Variants in CCDC39 observed in about 807,000 individuals in gnomAD.
The protein encoded by CCDC39 is coiled-coil domain 39 molecular ruler complex subunit.
CCDC39 carries 113 observed loss-of-function variants against 121.0 expected under a neutral mutation model. The observed-to-expected ratio is 0.93, with a 90% CI of 0.80 to 1.09. The LOEUF (loss-of-function observed/expected upper bound fraction) is 1.09, where lower values mean the gene tolerates loss of function less well. Among genes scored for constraint, CCDC39 ranks in the 50% least tolerant of loss-of-function variants. The pLI is 0.00. For synonymous variants in CCDC39, 349 were observed against 352.2 expected (o/e 0.99, Z 0.10); for missense variants, 1,063 against 1,074.7 (o/e 0.99, Z 0.15).
rs1356606 is a variant in CCDC39 at position 180,659,283 on chromosome 3, C to T, written c.738+169G>A. On this transcript the variant is annotated intron_variant, in intron 6 of 19. Coordinates refer to ENST00000476379, the MANE Select transcript of CCDC39 (RefSeq NM_181426.2). Reference sequence around the variant, plus strand: ...TACTACACTCAAATAATCTTCATCACATTTCCAAATGGATATAGAGTCAGC... The same window carrying T: ...TACTACACTCAAATAATCTTCATCATATTTCCAAATGGATATAGAGTCAGC... 0.22 allele frequency among the ~76,000 whole-genome samples: 34,160 copies of T among 152,126 alleles called. 4,190 individuals are homozygous for T. Among genetic ancestry groups the T allele is most frequent in the East Asian group, 0.4 (2,085 of 5,154 alleles).
At chr3:180,670,601 G>A (rs1303500411) in intron 1 of CCDC39, among the ~76,000 whole-genome samples, 3 of 143,962 alleles carry the variant, frequency 2.1e-5, no homozygotes, top group Admixed American at 2.1e-4. Context: ...GGTGCTTCAT[G>A]TCTGTATATG....
chr3:180,642,258 A>T (rs1182351207), intron 12 of CCDC39, 57 bp from the exon 13 acceptor site: 8 of 1,095,572 alleles, frequency 7.3e-6, no homozygotes, highest in Non-Finnish European at 1.0e-5. Flanking sequence ...CAAAACCAAA[A>T]TTTTTTTTAT....
Position 180,619,795 on chromosome 3 carries a change from G to A in CCDC39, c.2158+16C>T, listed in dbSNP as rs1330440844. Reference sequence around the variant, plus strand: ...TCACTGTATATATGTATAAAAAAAAGTTAACTCCTACATACTAGATGGAGT... The same window carrying A: ...TCACTGTATATATGTATAAAAAAAAATTAACTCCTACATACTAGATGGAGT... On this transcript the variant is annotated intron_variant, in intron 15 of 19. Transcript: ENST00000476379. 1.3e-6 allele frequency: 2 copies of A among 1,493,980 alleles called. No individual in the cohort carries two copies. The highest frequency in any genetic ancestry group is 1.8e-6 in the Non-Finnish European group (2 of 1,104,942). The allele number at this position is 1,493,980 out of a possible 1,614,324, so 92.5% of individuals were successfully genotyped here. A position where few individuals can be genotyped will look rare whatever the true frequency, so the allele number is the denominator to read the frequency against.
intron 14 of CCDC39, among the ~76,000 whole-genome samples, chr3:180,630,446 A>G (rs1428569055): frequency 1.3e-5 from 2 of 152,090 alleles, no homozygotes; most frequent in African/African-American, 2.4e-5. Context: ...AAGAAGAGCT[A>G]CAGGAGAAAA....
Position 180,645,070 on chromosome 3 carries a change from C to A in CCDC39, c.1528-813G>T, listed in dbSNP as rs528272629. On this transcript the variant is annotated intron_variant, in intron 11 of 19. Coordinates refer to ENST00000476379, the MANE Select transcript of CCDC39 (RefSeq NM_181426.2). ...CAGATGGCTTTAATTACCTACTAAC[C>A]ATCTGACCCTAGTATGATGGACTCT... 5.9e-5 allele frequency among the ~76,000 whole-genome samples: 9 copies of A among 152,252 alleles called. No homozygotes were observed. The South Asian group carries it at 1.2e-3, about 21-fold the overall frequency.
intron 14 of CCDC39, among the ~76,000 whole-genome samples, chr3:180,627,995 G>A (rs188171469): frequency 6.6e-6 from 1 of 152,282 alleles, no homozygotes; most frequent in East Asian, 1.9e-4. Flanking sequence ...TGGACAGAGG[G>A]AAAACTGTGT....
intron 6 of CCDC39, among the ~76,000 whole-genome samples, chr3:180,656,857 G>A (rs190012944): frequency 6.6e-6 from 1 of 152,304 alleles, no homozygotes; most frequent in Admixed American, 6.5e-5. Context: ...AAATGCCCTA[G>A]CAATGTCAGG....
chr3:180,637,299 T>C (rs1219600390), intron 13 of CCDC39, among the ~76,000 whole-genome samples: 2 of 152,206 alleles, frequency 1.3e-5, no homozygotes, highest in East Asian at 3.9e-4. Context: ...GAGACATGCA[T>C]GTGCCAAAAA....
At chr3:180,630,392 T>A (rs1016175425) in intron 14 of CCDC39, among the ~76,000 whole-genome samples, 2 of 152,064 alleles carry the variant, frequency 1.3e-5, no homozygotes, top group Non-Finnish European at 2.9e-5. Context: ...TCAAGCAAAG[T>A]GACAGGCATA....
intron 1 of CCDC39, 58 bp from the exon 2 acceptor site, chr3:180,664,044 G>A: frequency 6.9e-7 from 1 of 1,459,784 alleles, no homozygotes; most frequent in Non-Finnish European, 9.4e-7. Context: ...CCATATGAAG[G>A]ACCTAAAATC....
In CCDC39 at chr3:180,617,561, C is replaced by T. The variant is rs948081087; in HGVS notation, c.2266-595G>A. 6.3e-5 allele frequency: 37 copies of T among 584,314 alleles called. 1 individual carries two copies. The Admixed American group carries it at 6.5e-4, about 10-fold the overall frequency. 36.2% of individuals were successfully genotyped at this position (584,314 alleles called of 1,614,324 possible). On this transcript the variant is annotated intron_variant, in intron 16 of 19. Transcript: ENST00000476379. The stretch of plus-strand genomic sequence containing the variant: ...ACAGTGGTATTGATGATCCTGACCA[C>T]GGGTAGGCTTAGGTTTATGTGTGTG...
Position 180,642,018 on chromosome 3 carries a change from C to A in CCDC39, c.1849G>T (p.Val617Phe). ...CTTATGTTTTCCCGTTCTTGATCAA[C>A]ATATCTTATTTGTGACGCAAGCATT... ...KTMLASQIRY[V>F]DQERENISTE... The change falls in exon 13 of 20, where the codon GTT (valine) becomes TTT (phenylalanine). Residue 617 changes from valine to phenylalanine, a missense_variant. Physicochemically the swap from Val to Phe is conservative, Grantham distance 50. Coordinates refer to ENST00000476379, the MANE Select transcript of CCDC39 (RefSeq NM_181426.2). The A allele has an allele frequency of 6.3e-7, 1 of 1,595,690 alleles. No individual in the cohort carries two copies. The highest frequency in any genetic ancestry group is 1.1e-5 in the South Asian group (1 of 87,104).
At chr3:180,622,663 AGAT>A (rs1215525330) in intron 14 of CCDC39, among the ~76,000 whole-genome samples, 2 of 152,076 alleles carry the variant, frequency 1.3e-5, no homozygotes, top group African/African-American at 4.8e-5. Flanking sequence ...GCATCTATTG[AGAT>A]GATTATATGA....
At chr3:180,662,568 T>C (rs529523690) in intron 2 of CCDC39, among the ~76,000 whole-genome samples, 1 of 152,152 alleles carries the variant, frequency 6.6e-6, no homozygotes, top group Non-Finnish European at 1.5e-5. Context: ...GTACTAAAGC[T>C]ACCATTGTTG....
intron 16 of CCDC39, chr3:180,617,717 CAA>C (rs1717300947): frequency 5.2e-6 from 2 of 384,996 alleles, no homozygotes; most frequent in South Asian, 1.4e-4. Flanking sequence ...AATGTCATCA[CAA>C]AAGAGTAAAA....
Position 180,619,843 on chromosome 3 carries a change from T to A in CCDC39, c.2126A>T (p.Tyr709Phe), listed in dbSNP as rs1346660671. The A allele has an allele frequency of 3.1e-6, 5 of 1,606,068 alleles. No individual in the cohort carries two copies. The African/African-American group carries it at 5.4e-5, about 17-fold the overall frequency. The change falls in exon 15 of 20, where the codon TAT becomes TTT. Residue 709 changes from tyrosine to phenylalanine, a missense_variant. By Grantham distance (22) the Tyr-to-Phe change is conservative. Transcript: ENST00000476379. Reference sequence around the variant, plus strand: ...AGTCACTTTTTTAAAAGATTGCTTATAATTGTTGTTACAGCTGTTCAGCAC... The same window carrying A: ...AGTCACTTTTTTAAAAGATTGCTTAAAATTGTTGTTACAGCTGTTCAGCAC... ...LQVLNSCNNNYKQSFKKVTPS... is the reference protein window; with the variant it reads ...LQVLNSCNNNFKQSFKKVTPS...
At chr3:180,664,724 T>G (rs1482774375) in intron 1 of CCDC39, among the ~76,000 whole-genome samples, 2 of 151,278 alleles carry the variant, frequency 1.3e-5, no homozygotes, top group Non-Finnish European at 2.9e-5. Context: ...AGATGGAGTC[T>G]TGCTCTTGTC....
intron 1 of CCDC39, among the ~76,000 whole-genome samples, chr3:180,671,934 C>A (rs1712059863): frequency 6.6e-6 from 1 of 152,118 alleles, no homozygotes; most frequent in Non-Finnish European, 1.5e-5. Context: ...GAAGATCTAA[C>A]TAAGATCATT....
At chr3:180,643,322 G>GA (rs1421713488) in intron 12 of CCDC39, among the ~76,000 whole-genome samples, 18 of 150,796 alleles carry the variant, frequency 1.2e-4, no homozygotes, top group Admixed American at 9.2e-4. Context: ...CTTCCCAGCG[G>GA]AAAAAAAATG....
Sources: gnomAD v4.1 joint callset for allele counts (sites outside exome capture counted in the v4.1 genomes callset) on GRCh38, gnomAD v4.1.1 for gene constraint, MANE v1.5 for transcripts, NCBI Gene and HGNC (gene_info 2026-07-23, HGNC 2026-07-21) for gene names.